PACS1: variants seen among roughly 807,000 people sequenced by gnomAD.
PACS1 encodes the protein phosphofurin acidic cluster sorting protein 1, also known as PACS-1.
Under a neutral mutation model 115.0 loss-of-function variants are expected in PACS1, and 24 were observed. The observed-to-expected ratio is 0.21, with a 90% CI of 0.15 to 0.29. The LOEUF (loss-of-function observed/expected upper bound fraction) is 0.29. Among genes scored for constraint, PACS1 ranks in the 10% least tolerant of loss-of-function variants. The pLI is 1.00. For missense variants in PACS1, 838 were observed against 1,251.2 expected, an observed-to-expected ratio of 0.67 and a Z score of 4.98; for synonymous variants, 453 against 504.5, an observed-to-expected ratio of 0.90 and a Z score of 1.37.
At chr11:66,109,030 T>TA (rs1257778181) in intron 1 of PACS1, among the ~76,000 whole-genome samples, 2 of 152,228 alleles carry the variant, frequency 1.3e-5, no homozygotes, top group Non-Finnish European at 2.9e-5. Flanking sequence ...TAGCAAGTGA[T>TA]ACCTCTTTGA....
chr11:66,124,361 C>A (rs777611140), intron 1 of PACS1, among the ~76,000 whole-genome samples: 1 of 152,140 alleles, frequency 6.6e-6, no homozygotes, highest in Non-Finnish European at 1.5e-5. Flanking sequence ...TTCTTCTCTG[C>A]TTCAGTGTCT....
chr11:66,101,185 AT>A (rs980764028), intron 1 of PACS1, among the ~76,000 whole-genome samples: 2 of 152,040 alleles, frequency 1.3e-5, no homozygotes, highest in Non-Finnish European at 2.9e-5. Context: ...TTTTTAATTC[AT>A]TTTTTTTAAA....
intron 1 of PACS1, among the ~76,000 whole-genome samples, chr11:66,071,766 G>A (rs1240711705): frequency 6.6e-6 from 1 of 152,080 alleles, no homozygotes; most frequent in Non-Finnish European, 1.5e-5. Context: ...TGAAGTCTTG[G>A]GCTGTCTCCT....
Position 66,134,254 on chromosome 11 carries a change from C to CTTTTTTTTTTTTTTTTTTTTTTTTTTTTT in PACS1, c.357-59207_357-59206insTTTTTTTTTTTTTTTTTTTTTTTTTTTTT, listed in dbSNP as rs1162472902. Among the ~76,000 whole-genome samples, 4 of 75,064 alleles carry CTTTTTTTTTTTTTTTTTTTTTTTTTTTTT rather than the reference C, an allele frequency of 5.3e-5. 1 individual carries two copies. Among genetic ancestry groups the CTTTTTTTTTTTTTTTTTTTTTTTTTTTTT allele is most frequent in the Non-Finnish European group, 9.2e-5 (4 of 43,558 alleles). The allele number at this position is 75,064 out of a possible 152,430, so 49.2% of individuals were successfully genotyped here. Reference sequence around the variant, plus strand: ...TAAATTTCTTTTTCTTTTTCTTTTTCTTTTTTTTTTTTTTTTTTTTTTTTT... The same window carrying CTTTTTTTTTTTTTTTTTTTTTTTTTTTTT: ...TAAATTTCTTTTTCTTTTTCTTTTTCTTTTTTTTTTTTTTTTTTTTTTTTTTTTTTTTTTTTTTTTTTTTTTTTTTTTTT... On this transcript the variant is annotated intron_variant, in intron 1 of 23. Coordinates refer to ENST00000320580, the MANE Select transcript of PACS1 (RefSeq NM_018026.4).
At chr11:66,122,319 T>C (rs1858463470) in intron 1 of PACS1, among the ~76,000 whole-genome samples, 1 of 152,242 alleles carries the variant, frequency 6.6e-6, no homozygotes, top group South Asian at 2.1e-4. Context: ...TCATTGACAG[T>C]GCACCTGGTC....
At chr11:66,133,909 C>G (rs367598893) in intron 1 of PACS1, among the ~76,000 whole-genome samples, 19 of 152,282 alleles carry the variant, frequency 1.2e-4, no homozygotes, top group East Asian at 3.9e-4. Context: ...ACTGGATTAG[C>G]AAGCCAGACA....
At chr11:66,114,959 C>T (rs1257633026) in intron 1 of PACS1, among the ~76,000 whole-genome samples, 4 of 152,020 alleles carry the variant, frequency 2.6e-5, no homozygotes, top group African/African-American at 7.3e-5. Context: ...AATCCCAGCA[C>T]TTTAGTAGGC....
At chr11:66,124,283 G>C (rs1392921947) in intron 1 of PACS1, among the ~76,000 whole-genome samples, 3 of 152,224 alleles carry the variant, frequency 2.0e-5, no homozygotes, top group African/African-American at 7.2e-5. Context: ...AATTAGCTAA[G>C]TGAAGAGAAG....
At chr11:66,154,098 C>A (rs1056366516) in intron 1 of PACS1, among the ~76,000 whole-genome samples, 1 of 152,126 alleles carries the variant, frequency 6.6e-6, no homozygotes, top group African/African-American at 2.4e-5. Context: ...CAGTATCTTA[C>A]AGAGCTATAA....
intron 1 of PACS1, among the ~76,000 whole-genome samples, chr11:66,091,586 A>G (rs901716697): frequency 4.0e-5 from 6 of 149,842 alleles, no homozygotes; most frequent in Admixed American, 2.0e-4. Context: ...TTAGTTACAT[A>G]TGTATACATG....
chr11:66,219,662 A>G, intron 7 of PACS1, 84 bp from the exon 8 acceptor site: 1 of 988,548 alleles, frequency 1.0e-6, no homozygotes, highest in Non-Finnish European at 1.6e-6. Flanking sequence ...CTCGTCATGA[A>G]AGTGGGCTCT....
intron 6 of PACS1, 27 bp downstream of exon 6, chr11:66,216,638 C>T (rs768687598): frequency 1.4e-5 from 22 of 1,607,332 alleles, no homozygotes; most frequent in Admixed American, 1.3e-4. Context: ...CCTCACATGG[C>T]GTGTCCAAGA....
At chr11:66,106,275 A>G (rs1164389105) in intron 1 of PACS1, among the ~76,000 whole-genome samples, 1 of 152,082 alleles carries the variant, frequency 6.6e-6, no homozygotes, top group Non-Finnish European at 1.5e-5. Flanking sequence ...AATGAAAAAT[A>G]AAAAATACAA....
intron 1 of PACS1, among the ~76,000 whole-genome samples, chr11:66,130,102 C>T (rs76119370): frequency 0.028 from 4,221 of 152,220 alleles, 205 homozygotes; most frequent in African/African-American, 0.095. Context: ...GTTTTGGGTG[C>T]ATGAGGATGA....
intron 1 of PACS1, among the ~76,000 whole-genome samples, chr11:66,166,268 C>T (rs1859599609): frequency 6.6e-6 from 1 of 152,136 alleles, no homozygotes; most frequent in African/African-American, 2.4e-5. Context: ...ATGCCTCAGC[C>T]TCCCGAGTAG....
intron 1 of PACS1, among the ~76,000 whole-genome samples, chr11:66,086,139 T>C (rs913508612): frequency 3.3e-4 from 48 of 147,596 alleles, no homozygotes; most frequent in African/African-American, 1.1e-3. Flanking sequence ...GATTTCTTTT[T>C]TTTTTTTTTT....
At chr11:66,230,305 G>A (rs781494901) in intron 11 of PACS1, 99 of 528,016 alleles carry the variant, frequency 1.9e-4, no homozygotes, top group Middle Eastern at 5.1e-4. Flanking sequence ...CCAGCAGGTC[G>A]TTTGTAACTG....
chr11:66,072,082 A>G (rs914228339), intron 1 of PACS1, among the ~76,000 whole-genome samples: 2 of 152,228 alleles, frequency 1.3e-5, no homozygotes, highest in South Asian at 4.1e-4. Flanking sequence ...GTTTTACTAC[A>G]TAATGCATCT....
chr11:66,118,098 C>A (rs1858347263), intron 1 of PACS1, among the ~76,000 whole-genome samples: 1 of 152,208 alleles, frequency 6.6e-6, no homozygotes, highest in African/African-American at 2.4e-5. Flanking sequence ...GATTATTCAT[C>A]TACGTTAGTC....
Sources: allele counts gnomAD v4.1 joint callset (sites outside exome capture counted in the v4.1 genomes callset), GRCh38; gene constraint gnomAD v4.1.1; transcripts MANE v1.5; gene names NCBI Gene and HGNC (gene_info 2026-07-23, HGNC 2026-07-21).